The following CFAP74 variants were observed in gnomAD, a reference collection of about 807,000 sequenced individuals.
CFAP74 encodes the protein cilia- and flagella-associated protein 74.
Under a neutral mutation model 188.9 loss-of-function variants are expected in CFAP74, and 124 were observed. The ratio of observed to expected loss-of-function variants is 0.66; its 90% CI spans 0.57 to 0.76. The LOEUF is 0.76. CFAP74 is among the 30% of genes least tolerant of loss of function. The pLI, the probability that CFAP74 is intolerant of heterozygous loss-of-function variation, is 0.00. For synonymous variants in CFAP74, 956 were observed against 916.7 expected, an observed-to-expected ratio of 1.04 and a Z score of -0.77; for missense variants, 2,198 against 2,165.2, an observed-to-expected ratio of 1.02 and a Z score of -0.30.
intron 25 of CFAP74, among the ~76,000 whole-genome samples, chr1:1,934,837 G>A (rs1652740307): frequency 6.7e-6 from 1 of 150,018 alleles, no homozygotes. Context: ...AGGTACGTGT[G>A]TACGTGGGTG....
Position 1,952,972 on chromosome 1 carries a change from A to T in CFAP74, c.2176+2719T>A, listed in dbSNP as rs145752025. On this transcript the variant is annotated intron_variant, in intron 18 of 38. Transcript: ENST00000682832. ...TGCACCCAGCCTCAATACTGTTAAG[A>T]TGTCAGTTCTCCCCAAATTGATCTA... is the stretch of plus-strand genomic sequence containing the variant. 7.7e-3 allele frequency among the ~76,000 whole-genome samples: 1,169 copies of T among 152,270 alleles called. 23 individuals carry two copies. Among genetic ancestry groups the T allele is most frequent in the Middle Eastern group, 0.027 (8 of 294 alleles).
At chr1:1,970,162 C>T (rs985229075) in intron 10 of CFAP74, among the ~76,000 whole-genome samples, 8 of 152,178 alleles carry the variant, frequency 5.3e-5, no homozygotes, top group East Asian at 1.9e-4. Flanking sequence ...GTGTTCACCA[C>T]GGACCCAAGC....
Position 1,963,719 on chromosome 1 carries a change from C to T in CFAP74, c.1694+30G>A, listed in dbSNP as rs775092360. Reference sequence around the variant, plus strand: ...TGAACCTCCTGCTGTCCCTGCACCGCGTCCCTCCCTGTCTGAGCCGTCCTC... The same window carrying T: ...TGAACCTCCTGCTGTCCCTGCACCGTGTCCCTCCCTGTCTGAGCCGTCCTC... On this transcript the variant is annotated intron_variant, in intron 14 of 38. Coordinates refer to ENST00000682832, the MANE Select transcript of CFAP74 (RefSeq NM_001304360.2). 2.4e-5 allele frequency: 34 copies of T among 1,432,676 alleles called. No homozygotes were observed. In the African/African-American group the frequency reaches 2.7e-4, roughly 11 times the overall value. The allele number at this position is 1,432,676 out of a possible 1,614,324, so 88.7% of individuals were successfully genotyped here. A position where few individuals can be genotyped will look rare whatever the true frequency, so the allele number is the denominator to read the frequency against.
intron 1 of CFAP74, among the ~76,000 whole-genome samples, chr1:2,003,325 G>A (rs1310882644): frequency 1.3e-5 from 2 of 152,072 alleles, no homozygotes; most frequent in Admixed American, 1.3e-4. Flanking sequence ...CCAAAACTAG[G>A]TTATACATAC....
intron 6 of CFAP74, among the ~76,000 whole-genome samples, chr1:1,978,972 C>T (rs940452666): frequency 2.0e-5 from 3 of 150,992 alleles, no homozygotes; most frequent in South Asian, 2.1e-4. Flanking sequence ...CTGAGCTGGG[C>T]GTGGGAAGGC....
chr1:1,988,693 C>T, intron 3 of CFAP74, 38 bp from the exon 4 acceptor site: 1 of 1,600,078 alleles, frequency 6.2e-7, no homozygotes, highest in Non-Finnish European at 8.5e-7. Context: ...ACCACCCCAG[C>T]TGCAGGCTCA....
At chr1:1,986,333 C>T (rs1290471169) in intron 5 of CFAP74, among the ~76,000 whole-genome samples, 2 of 152,158 alleles carry the variant, frequency 1.3e-5, no homozygotes, top group Non-Finnish European at 2.9e-5. Context: ...GTTGCAGTGG[C>T]CCGAAGCCCC....
At chr1:1,993,836 G>A (rs1657749453) in intron 1 of CFAP74, among the ~76,000 whole-genome samples, 1 of 150,758 alleles carries the variant, frequency 6.6e-6, no homozygotes, top group Non-Finnish European at 1.5e-5. Context: ...CAAAAAATTA[G>A]CCGGGCGTGG....
In CFAP74 at chr1:1,923,431, G is replaced by A; in HGVS notation, c.4458C>T (p.Asp1486=). Residue 1486 remains aspartate, a synonymous_variant, in exon 36 of 39, where the codon GAC becomes GAT. Transcript: ENST00000682832. This position sits in a 1 kb window ranked among gnomAD's most constrained non-coding sequence, Gnocchi z 6.3. ...GAGACTCCACGGGCACGTCCAGGGGGTCGCCGCCCTCCACGAACATCATGT... is the reference window on the plus strand; with the variant it reads ...GAGACTCCACGGGCACGTCCAGGGGATCGCCGCCCTCCACGAACATCATGT... ...CQHMMFVEGG[D]PLDVPVESLT... is the part of the protein sequence containing the mutation. The A allele has an allele frequency of 6.2e-7, 1 of 1,605,190 alleles. No homozygotes were observed. The highest frequency in any genetic ancestry group is 1.1e-5 in the South Asian group (1 of 89,444).
Position 1,924,487 on chromosome 1 carries a change from A to G in CFAP74, c.4138T>C (p.Ser1380Pro). 2 of 1,597,216 alleles carry G rather than the reference A, an allele frequency of 1.3e-6. No homozygotes were observed. Among genetic ancestry groups the G allele is most frequent in the Non-Finnish European group, 1.7e-6 (2 of 1,173,414 alleles). ...QNNSLLPIKF[S>P]MHLDSLSSTR... ...CTGGAGAGGCTGTCCAGGTGCATGG[A>G]GAACTTGATGGGGAGCAGAGAGTTG... is the stretch of plus-strand genomic sequence containing the variant. The change falls in exon 34 of 39, where the codon TCC becomes CCC. Residue 1380 changes from serine to proline, a missense_variant. Physicochemically the swap from Ser to Pro is moderately conservative, Grantham distance 74. Transcript: ENST00000682832.
In CFAP74 at chr1:1,959,153, T is replaced by G; in HGVS notation, c.1818A>C (p.Ser606=). ...TCTTTGTTGAACATTTCAGTGGAACTGAAAACTCGCCCGTCTGAGCCAAAA... is the reference window on the plus strand; with the variant it reads ...TCTTTGTTGAACATTTCAGTGGAACGGAAAACTCGCCCGTCTGAGCCAAAA... ...ISFLAQTGEF[S]VPLKCSTKKC... The change falls in exon 16 of 39, where the codon TCA becomes TCC. Residue 606 remains serine (S), a synonymous_variant. Transcript: ENST00000682832. 1 of 1,613,338 alleles carries G rather than the reference T, an allele frequency of 6.2e-7. No individual in the cohort carries two copies. The highest frequency in any genetic ancestry group is 2.2e-5 in the East Asian group (1 of 44,876).
rs201687693 is a variant in CFAP74 at position 1,955,756 on chromosome 1, G to A, written c.2111C>T (p.Ala704Val). The part of the protein sequence containing the change: ...QQLEGTESSQ[A>V]DMQSRKELEK... ...CAGCTCCTTCCGGCTCTGCATGTCC[G>A]CCTGGGAGGACTCCGTGCCCTCTAG... The change falls in exon 18 of 39, where the codon GCG becomes GTG. Residue 704 changes from alanine (A) to valine (V), a missense_variant. Transcript: ENST00000682832. The A allele has an allele frequency of 9.9e-6, 16 of 1,614,068 alleles. No homozygotes were observed. Among genetic ancestry groups the A allele is most frequent in the Non-Finnish European group, 1.3e-5 (15 of 1,180,054 alleles).
chr1:1,930,438 C>CTTG, intron 25 of CFAP74, 102 bp from the exon 26 acceptor site: 2 of 1,188,700 alleles, frequency 1.7e-6, no homozygotes, highest in Non-Finnish European at 1.1e-6. Context: ...CCGGGGGGGG[C>CTTG]TCACAGGGAC....
At position 1,923,669 on chromosome 1, in the gene CFAP74, G is replaced by A; in HGVS notation, c.4389+106C>T. On this transcript the variant is annotated intron_variant, in intron 35 of 38. Transcript: ENST00000682832. The surrounding 1 kb of genome is among the most constrained non-coding windows in gnomAD (Gnocchi z 6.3). ...CCTCAGTGTGGTGCTGAGTCCCCCA[G>A]CCATGGTACCCTCAGGGCCTCCAAA... 1 of 1,565,206 alleles carries A rather than the reference G, an allele frequency of 6.4e-7. No homozygotes were observed. Among genetic ancestry groups the A allele is most frequent in the Non-Finnish European group, 8.8e-7 (1 of 1,141,850 alleles).
chr1:1,956,894 G>C, intron 16 of CFAP74, 110 bp from the exon 17 acceptor site: 2 of 1,060,892 alleles, frequency 1.9e-6, no homozygotes, highest in Non-Finnish European at 2.8e-6. Flanking sequence ...ATTTGTGCGC[G>C]TTGTGCACTG....
At chr1:1,986,175 G>A (rs1657222429) in intron 5 of CFAP74, among the ~76,000 whole-genome samples, 1 of 152,174 alleles carries the variant, frequency 6.6e-6, no homozygotes, top group Admixed American at 6.5e-5. Context: ...ACAAGGTCAG[G>A]AGTTCAAGAC....
chr1:1,974,483 C>T (rs1257458401), intron 6 of CFAP74, among the ~76,000 whole-genome samples: 4 of 152,122 alleles, frequency 2.6e-5, no homozygotes, highest in Non-Finnish European at 5.9e-5. Flanking sequence ...CCGTTGGCTG[C>T]GGTGGGCCTG....
chr1:2,002,784 T>G (rs1158756783), intron 1 of CFAP74, among the ~76,000 whole-genome samples: 1 of 150,136 alleles, frequency 6.7e-6, no homozygotes, highest in Non-Finnish European at 1.5e-5. Flanking sequence ...TTATATTATA[T>G]ATTGTTTATA....
At chr1:1,999,306 C>T (rs1658080732) in intron 1 of CFAP74, among the ~76,000 whole-genome samples, 1 of 152,040 alleles carries the variant, frequency 6.6e-6, no homozygotes. Context: ...ACAGCAGCCA[C>T]GGAATGGACA....
Sources: allele counts gnomAD v4.1 joint callset (sites outside exome capture counted in the v4.1 genomes callset), GRCh38; gene constraint gnomAD v4.1.1; non-coding constraint Gnocchi (gnomAD v3.1); transcripts MANE v1.5; gene names NCBI Gene and HGNC (gene_info 2026-07-23, HGNC 2026-07-21).